Variants in PON3 observed in about 807,000 individuals in gnomAD.
PON3 encodes serum paraoxonase/lactonase 3.
A neutral mutation model predicts 36.3 loss-of-function variants in PON3; 37 were observed. That is an observed-to-expected ratio of 1.02 (90% CI 0.78 to 1.34). The LOEUF (loss-of-function observed/expected upper bound fraction) is 1.34, where lower values mean the gene tolerates loss of function less well. PON3 is among the 40% of genes most tolerant of loss of function. The pLI, the probability that PON3 is intolerant of heterozygous loss-of-function variation, is 0.00. For missense variants in PON3, 415 were observed against 426.5 expected, an observed-to-expected ratio of 0.97 and a Z score of 0.24; for synonymous variants, 155 against 154.8, an observed-to-expected ratio of 1.00 and a Z score of -0.01.
chr7:95,395,952 C>T, intron 1 of PON3: 1 of 380,632 alleles, frequency 2.6e-6, no homozygotes, highest in South Asian at 2.4e-5. Context: ...CCTTTTTTCC[C>T]AAGCAGAATG....
At chr7:95,360,294 T>TAA (rs17886092) in intron 8 of PON3, among the ~76,000 whole-genome samples, 163 bp from the exon 9 acceptor site, 4,284 of 152,300 alleles carry the variant, frequency 0.028, 112 homozygotes, top group African/African-American at 0.068. Context: ...ACTAATGTCA[T>TAA]AGATATCTAT....
intron 5 of PON3, among the ~76,000 whole-genome samples, chr7:95,366,629 C>T (rs1007967893): frequency 3.3e-5 from 5 of 152,180 alleles, no homozygotes; most frequent in African/African-American, 1.2e-4. Context: ...AACAGGCAGC[C>T]TCTCCACTGA....
At chr7:95,395,288 T>A (rs75730309) in intron 1 of PON3, among the ~76,000 whole-genome samples, 2,311 of 152,336 alleles carry the variant, frequency 0.015, 30 homozygotes, top group South Asian at 0.037. Flanking sequence ...TTTTCTTGTT[T>A]CCAGAGTGAA....
chr7:95,394,230 ATAT>A (rs1809381459), intron 2 of PON3, among the ~76,000 whole-genome samples: 1 of 152,052 alleles, frequency 6.6e-6, no homozygotes, highest in Non-Finnish European at 1.5e-5. Context: ...GGGCTGAGTC[ATAT>A]TATTTGAAAA....
At position 95,396,368 on chromosome 7, in the gene PON3, C is replaced by A. The variant is rs1809435101; in HGVS notation, c.-18G>T. The A allele has an allele frequency of 1.2e-6, 2 of 1,613,034 alleles. No homozygotes were observed. Among genetic ancestry groups the A allele is most frequent in the Non-Finnish European group, 1.7e-6 (2 of 1,179,440 alleles). The stretch of plus-strand genomic sequence containing the variant: ...TTCCCCATGGTCTCGGGGTGCCCAG[C>A]GGCGACTGCGCGGCGCCGAGAGCTC... On this transcript the variant is annotated 5_prime_UTR_variant, in exon 1 of 9. Coordinates refer to ENST00000265627, the MANE Select transcript of PON3 (RefSeq NM_000940.3).
At chr7:95,390,338 G>C in intron 2 of PON3, 129 bp from the exon 3 acceptor site, 1 of 810,086 alleles carries the variant, frequency 1.2e-6, no homozygotes. Flanking sequence ...CCATTTACTT[G>C]GGAAACCATA....
At chr7:95,381,643 G>A (rs185529607) in intron 3 of PON3, among the ~76,000 whole-genome samples, 1 of 152,306 alleles carries the variant, frequency 6.6e-6, no homozygotes, top group Non-Finnish European at 1.5e-5. Flanking sequence ...AATTCAACGA[G>A]AAGAGCTAAC....
intron 3 of PON3, 105 bp downstream of exon 3, chr7:95,390,049 G>T: frequency 1.7e-6 from 2 of 1,192,770 alleles, no homozygotes; most frequent in Non-Finnish European, 1.3e-6. Context: ...ACCCGGAGGT[G>T]GGATGAGAGC....
chr7:95,369,644 C>T (rs913655789), intron 4 of PON3, among the ~76,000 whole-genome samples: 1 of 151,962 alleles, frequency 6.6e-6, no homozygotes, highest in South Asian at 2.1e-4. Flanking sequence ...GGCATGGTGG[C>T]GCATGCCTGT....
chr7:95,380,661 A>G (rs1237670983), intron 3 of PON3, among the ~76,000 whole-genome samples: 1 of 152,232 alleles, frequency 6.6e-6, no homozygotes, highest in African/African-American at 2.4e-5. Flanking sequence ...CAAAAAGAAT[A>G]AAAAGAAATG....
chr7:95,368,821 A>T (rs999660647), intron 4 of PON3, among the ~76,000 whole-genome samples: 3 of 150,988 alleles, frequency 2.0e-5, no homozygotes, highest in Admixed American at 2.0e-4. Context: ...AAACAAAAAA[A>T]AAAAAAAGAA....
intron 2 of PON3, among the ~76,000 whole-genome samples, chr7:95,391,869 T>G (rs1039313755): frequency 1.3e-5 from 2 of 152,240 alleles, no homozygotes; most frequent in Non-Finnish European, 2.9e-5. Context: ...AATACTTTCC[T>G]GAAGCTTCCA....
intron 3 of PON3, among the ~76,000 whole-genome samples, chr7:95,380,554 T>C (rs1216383761): frequency 2.0e-5 from 3 of 152,156 alleles, no homozygotes; most frequent in Non-Finnish European, 2.9e-5. Context: ...ACGTGATGAA[T>C]GCACAAGCTT....
chr7:95,369,062 G>C (rs2116385683), intron 4 of PON3, among the ~76,000 whole-genome samples: 1 of 152,096 alleles, frequency 6.6e-6, no homozygotes, highest in East Asian at 1.9e-4. Flanking sequence ...TCTGAGTTCT[G>C]GATCAGCCAT....
chr7:95,386,659 C>T (rs995228885), intron 3 of PON3, among the ~76,000 whole-genome samples: 2 of 152,126 alleles, frequency 1.3e-5, no homozygotes, highest in African/African-American at 4.8e-5. Flanking sequence ...GATACCAAAG[C>T]CTGGCAGAGA....
chr7:95,389,747 G>C (rs1036404727), intron 3 of PON3, among the ~76,000 whole-genome samples: 2 of 152,130 alleles, frequency 1.3e-5, no homozygotes, highest in African/African-American at 4.8e-5. Context: ...AACATTTGCA[G>C]AGCTCCAAAT....
At position 95,389,771 on chromosome 7, in the gene PON3, G is replaced by A. The variant is rs540169536; in HGVS notation, c.201+383C>T. 9.2e-5 allele frequency among the ~76,000 whole-genome samples: 14 copies of A among 152,312 alleles called. No homozygotes were observed. In the South Asian group the frequency reaches 1.5e-3, roughly 16 times the overall value. ...AGAGCTCCAAATAAAGGCAGACATG[G>A]TGAGAGGAATACCAGTTAGTGGGAA... is the stretch of plus-strand genomic sequence containing the variant. On this transcript the variant is annotated intron_variant, in intron 3 of 8. Coordinates refer to ENST00000265627, the MANE Select transcript of PON3 (RefSeq NM_000940.3).
intron 3 of PON3, among the ~76,000 whole-genome samples, chr7:95,386,277 C>A (rs1276741957): frequency 6.6e-6 from 1 of 152,014 alleles, no homozygotes; most frequent in Non-Finnish European, 1.5e-5. Context: ...CAAATAGGTG[C>A]AATAAAAAAT....
chr7:95,383,597 T>C lies in PON3; in HGVS notation c.201+6557A>G, dbSNP rs997611486. On this transcript the variant is annotated intron_variant, in intron 3 of 8. Transcript: ENST00000265627. ...GAGCCAAATCATGAGTGAACTCCCATTCACAATTGCTTCAAAGAGAATAAA... is the reference window on the plus strand; with the variant it reads ...GAGCCAAATCATGAGTGAACTCCCACTCACAATTGCTTCAAAGAGAATAAA... Among the ~76,000 whole-genome samples the C allele has an allele frequency of 6.2e-4, 95 of 152,228 alleles. No individual in the cohort carries two copies. In the Middle Eastern group the frequency reaches 0.014, roughly 22 times the overall value.
Sources: allele counts gnomAD v4.1 joint callset (sites outside exome capture counted in the v4.1 genomes callset), GRCh38; gene constraint gnomAD v4.1.1; transcripts MANE v1.5; gene names NCBI Gene and HGNC (gene_info 2026-07-23, HGNC 2026-07-21).